Variants in CEP63 observed in about 807,000 individuals in gnomAD.
The protein encoded by CEP63 is centrosomal protein 63.
CEP63 carries 84 observed loss-of-function variants against 89.1 expected under a neutral mutation model. The ratio of observed to expected loss-of-function variants is 0.94; its 90% CI spans 0.79 to 1.13. The LOEUF (loss-of-function observed/expected upper bound fraction) is 1.13. Among genes scored for constraint, CEP63 ranks in the 50% most tolerant of loss-of-function variants. The probability of loss-of-function intolerance (pLI) is 0.00; values close to 1 mark genes in which losing one functional copy is unlikely to be tolerated. For missense variants in CEP63, 838 were observed against 813.3 expected, an observed-to-expected ratio of 1.03 and a Z score of -0.37; for synonymous variants, 267 against 272.5, an observed-to-expected ratio of 0.98 and a Z score of 0.20.
chr3:134,650,685 G>T, the CEP63 span: 1 of 776,448 alleles, frequency 1.3e-6, no homozygotes, highest in Non-Finnish European at 2.0e-6. Flanking sequence ...CTGCGGGGAA[G>T]CGACGGCAGC....
the CEP63 span, among the ~76,000 whole-genome samples, chr3:134,781,346 T>G: frequency 1.3e-5 from 2 of 152,256 alleles, no homozygotes; most frequent in African/African-American, 4.8e-5. Context: ...CTCCAGTTAT[T>G]TAAATGTTGT....
chr3:134,557,532 T>TA (rs1475778392), intron 12 of CEP63, among the ~76,000 whole-genome samples: 1 of 151,954 alleles, frequency 6.6e-6, no homozygotes, highest in Non-Finnish European at 1.5e-5. Context: ...AGTAGTGTCT[T>TA]ACCAGGAAAC....
the CEP63 span, among the ~76,000 whole-genome samples, chr3:134,623,657 T>G: frequency 6.6e-6 from 1 of 151,358 alleles, no homozygotes; most frequent in Non-Finnish European, 1.5e-5. Flanking sequence ...ACTACTCACC[T>G]CCTGCTTGCT....
chr3:134,756,773 T>C, the CEP63 span, among the ~76,000 whole-genome samples: 5 of 152,174 alleles, frequency 3.3e-5, no homozygotes, highest in Admixed American at 3.3e-4. Context: ...AAACCAGTCC[T>C]GCCCTGACAG....
At chr3:134,777,893 A>T in the CEP63 span, among the ~76,000 whole-genome samples, 1 of 151,264 alleles carries the variant, frequency 6.6e-6, no homozygotes, top group Non-Finnish European at 1.5e-5. Flanking sequence ...GGGATTACAG[A>T]TGTGAGCCAC....
At chr3:134,730,989 T>C in the CEP63 span, among the ~76,000 whole-genome samples, 3 of 152,194 alleles carry the variant, frequency 2.0e-5, no homozygotes, top group African/African-American at 7.2e-5. Flanking sequence ...CAAGCTGGTA[T>C]AGCTACATTA....
At chr3:134,617,738 G>A in the CEP63 span, among the ~76,000 whole-genome samples, 27 of 152,228 alleles carry the variant, frequency 1.8e-4, no homozygotes, top group Non-Finnish European at 1.5e-5. Flanking sequence ...AAAGGAAGGG[G>A]AAGGTTGTGG....
At chr3:134,541,167 G>A (rs375388210) in intron 6 of CEP63, among the ~76,000 whole-genome samples, 8 of 152,074 alleles carry the variant, frequency 5.3e-5, no homozygotes, top group Admixed American at 1.3e-4. Flanking sequence ...TTACAGTTGC[G>A]TATGTGTACT....
chr3:134,698,531 C>T, the CEP63 span, among the ~76,000 whole-genome samples: 1 of 152,178 alleles, frequency 6.6e-6, no homozygotes, highest in African/African-American at 2.4e-5. Flanking sequence ...GAATGACCTG[C>T]CAAGAATGCA....
At chr3:134,552,052 C>G (rs1311225109) in intron 12 of CEP63, 40 bp downstream of exon 12, 1 of 1,082,554 alleles carries the variant, frequency 9.2e-7, no homozygotes, top group Admixed American at 1.8e-5. Context: ...CTATCCAAGC[C>G]TTCAAAAAAA....
chr3:134,544,638 G>GA (rs1553774741), intron 6 of CEP63, among the ~76,000 whole-genome samples: 10 of 149,764 alleles, frequency 6.7e-5, no homozygotes, highest in African/African-American at 2.5e-4. Flanking sequence ...GCTCTAGGTG[G>GA]GGGGGGGAAT....
the CEP63 span, among the ~76,000 whole-genome samples, chr3:134,661,619 T>C: frequency 6.6e-6 from 1 of 152,006 alleles, no homozygotes; most frequent in African/African-American, 2.4e-5. Context: ...CAGAGCTGAA[T>C]GACGAGCAAT....
At chr3:134,582,556 C>T (rs1577517317) in intron 10 of CEP63, among the ~76,000 whole-genome samples, 1 of 152,214 alleles carries the variant, frequency 6.6e-6, no homozygotes, top group African/African-American at 2.4e-5. Flanking sequence ...ACATGTCCCA[C>T]ATTTTCTTAA....
chr3:134,717,822 C>T, the CEP63 span, among the ~76,000 whole-genome samples: 1 of 152,176 alleles, frequency 6.6e-6, no homozygotes, highest in African/African-American at 2.4e-5. Flanking sequence ...TAAGATTTGA[C>T]TCTCTTTCAC....
At chr3:134,500,547 A>C (rs2108235831) in intron 2 of CEP63, among the ~76,000 whole-genome samples, 1 of 152,278 alleles carries the variant, frequency 6.6e-6, no homozygotes, top group Non-Finnish European at 1.5e-5. Flanking sequence ...GGTTGAACTA[A>C]TTTACATTCC....
chr3:134,650,015 C>T, the CEP63 span, among the ~76,000 whole-genome samples: 1 of 152,220 alleles, frequency 6.6e-6, no homozygotes, highest in Non-Finnish European at 1.5e-5. Context: ...AGCTTGCCAT[C>T]CAGGACCCTG....
the CEP63 span, among the ~76,000 whole-genome samples, chr3:134,625,299 G>C: frequency 6.6e-6 from 1 of 152,210 alleles, no homozygotes; most frequent in East Asian, 1.9e-4. Context: ...TTTCCTAGAA[G>C]GGTCCCCTGA....
chr3:134,719,759 A>T, the CEP63 span, among the ~76,000 whole-genome samples: 1 of 152,220 alleles, frequency 6.6e-6, no homozygotes, highest in Non-Finnish European at 1.5e-5. Context: ...CTTATTTAGT[A>T]TAATGCTTTC....
the CEP63 span, among the ~76,000 whole-genome samples, chr3:134,690,564 A>C: frequency 2.0e-5 from 3 of 152,074 alleles, no homozygotes; most frequent in Non-Finnish European, 4.4e-5. Flanking sequence ...AACTGACTGG[A>C]GATTTATCTT....
Sources: allele counts gnomAD v4.1 joint callset (sites outside exome capture counted in the v4.1 genomes callset), GRCh38; gene constraint gnomAD v4.1.1; transcripts MANE v1.5; gene names NCBI Gene and HGNC (gene_info 2026-07-23, HGNC 2026-07-21).